PDE4D: variants seen among roughly 807,000 people sequenced by gnomAD.
PDE4D encodes phosphodiesterase 4D.
A neutral mutation model predicts 87.4 loss-of-function variants in PDE4D; 24 were observed. That is an observed-to-expected ratio of 0.27 (90% CI 0.20 to 0.39). PDE4D has a LOEUF of 0.39. PDE4D is among the 10% of genes least tolerant of loss of function. The pLI is 1.00. For synonymous variants in PDE4D, 384 were observed against 383.2 expected, an observed-to-expected ratio of 1.00 and a Z score of -0.02; for missense variants, 714 against 1,041.0, an observed-to-expected ratio of 0.69 and a Z score of 4.32.
chr5:59,429,915 A>T (rs1409006344), intron 1 of PDE4D, among the ~76,000 whole-genome samples: 1 of 152,196 alleles, frequency 6.6e-6, no homozygotes, highest in Non-Finnish European at 1.5e-5. Context: ...ATGATGCATT[A>T]AGGAATGTCA....
chr5:59,158,785 A>G lies in PDE4D; in HGVS notation c.808+21810T>C, dbSNP rs191368110. Among the ~76,000 whole-genome samples, 116 of 152,364 alleles carry G rather than the reference A, an allele frequency of 7.6e-4. 1 individual carries two copies. The highest frequency in any genetic ancestry group is 1.1e-3 in the Admixed American group (17 of 15,304). On this transcript the variant is annotated intron_variant, in intron 5 of 14. Coordinates refer to ENST00000340635, the MANE Select transcript of PDE4D (RefSeq NM_001104631.2). The stretch of plus-strand genomic sequence containing the variant: ...CAGAGAGCTAGGCAGAGCTGGGATT[A>G]TACCCCTGGTCTTAAAACCCTGAGG...
chr5:59,276,284 TG>T (rs1038236737), intron 1 of PDE4D, among the ~76,000 whole-genome samples: 1 of 152,048 alleles, frequency 6.6e-6, no homozygotes, highest in Non-Finnish European at 1.5e-5. Flanking sequence ...TTTCCTTCTC[TG>T]GGAAATGAGA....
intron 1 of PDE4D, among the ~76,000 whole-genome samples, chr5:59,690,004 T>C (rs1057026320): frequency 2.0e-5 from 3 of 152,074 alleles, no homozygotes; most frequent in African/African-American, 7.2e-5. Flanking sequence ...GGAATCCAAC[T>C]TACAAGGGAT....
chr5:59,094,750 A>G (rs1769380775), intron 5 of PDE4D, among the ~76,000 whole-genome samples: 1 of 152,178 alleles, frequency 6.6e-6, no homozygotes, highest in African/African-American at 2.4e-5. Flanking sequence ...CATGCCTGAG[A>G]CAAAAAAAGG....
intron 1 of PDE4D, among the ~76,000 whole-genome samples, chr5:59,421,288 G>A (rs1000848711): frequency 6.6e-6 from 1 of 152,114 alleles, no homozygotes; most frequent in African/African-American, 2.4e-5. Flanking sequence ...ATAAAACACA[G>A]TACGTTTTAG....
At chr5:60,049,654 A>T (rs917269282) in intron 2 of PDE4D, among the ~76,000 whole-genome samples, 1 of 152,130 alleles carries the variant, frequency 6.6e-6, no homozygotes, top group African/African-American at 2.4e-5. Context: ...CCCTGCTGGG[A>T]GGTGCCTCCC....
At chr5:59,711,621 C>G (rs1754208535) in intron 1 of PDE4D, among the ~76,000 whole-genome samples, 1 of 152,154 alleles carries the variant, frequency 6.6e-6, no homozygotes, top group African/African-American at 2.4e-5. Flanking sequence ...TTTACTACAA[C>G]CTAACTATAA....
At chr5:59,004,954 T>C (rs1580231442) in intron 6 of PDE4D, among the ~76,000 whole-genome samples, 1 of 152,326 alleles carries the variant, frequency 6.6e-6, no homozygotes, top group East Asian at 1.9e-4. Context: ...TGGAGGATCT[T>C]TGAGGCCAGA....
intron 5 of PDE4D, chr5:59,157,282 A>G (rs1031370119): frequency 5.7e-6 from 4 of 702,046 alleles, no homozygotes; most frequent in African/African-American, 5.2e-5. Context: ...TGTAGTTTTC[A>G]AGGTCAGCCA....
At chr5:59,745,600 G>T (rs117434961) in intron 1 of PDE4D, among the ~76,000 whole-genome samples, 20 of 152,108 alleles carry the variant, frequency 1.3e-4, no homozygotes, top group Admixed American at 7.2e-4. Flanking sequence ...CAGGGGTGAC[G>T]TGCTGATCAG....
chr5:59,461,843 G>A (rs1352232668), intron 1 of PDE4D, among the ~76,000 whole-genome samples: 1 of 152,064 alleles, frequency 6.6e-6, no homozygotes, highest in Non-Finnish European at 1.5e-5. Context: ...TAGGCTCTCA[G>A]TAGAAAGGGA....
chr5:59,107,107 C>G (rs752491588), intron 5 of PDE4D, among the ~76,000 whole-genome samples: 2 of 151,686 alleles, frequency 1.3e-5, no homozygotes, highest in Non-Finnish European at 2.9e-5. Flanking sequence ...CAAGCTACAT[C>G]TGTGTGTGTG....
At chr5:60,228,465 A>G (rs1562239266) in intron 1 of PDE4D, among the ~76,000 whole-genome samples, 1 of 151,806 alleles carries the variant, frequency 6.6e-6, no homozygotes, top group Non-Finnish European at 1.5e-5. Context: ...ATTTGAATGA[A>G]TCAATAAATG....
At chr5:59,031,099 G>A (rs1757307735) in intron 6 of PDE4D, among the ~76,000 whole-genome samples, 1 of 151,900 alleles carries the variant, frequency 6.6e-6, no homozygotes. Context: ...GCAAGGATGT[G>A]GAGAAAAGGG....
At chr5:59,163,551 G>A (rs563512741) in intron 5 of PDE4D, among the ~76,000 whole-genome samples, 5 of 152,304 alleles carry the variant, frequency 3.3e-5, no homozygotes, top group South Asian at 2.1e-4. Context: ...GATAACAGGC[G>A]TGAGCCACCG....
At chr5:59,089,448 C>G (rs1561464659) in intron 5 of PDE4D, among the ~76,000 whole-genome samples, 2 of 152,052 alleles carry the variant, frequency 1.3e-5, no homozygotes. Flanking sequence ...GATAATAGGG[C>G]TAACATTTAT....
At chr5:59,420,594 C>T (rs1794314127) in intron 1 of PDE4D, among the ~76,000 whole-genome samples, 1 of 151,684 alleles carries the variant, frequency 6.6e-6, no homozygotes, top group African/African-American at 2.4e-5. Flanking sequence ...CCAAGAACTC[C>T]CTTGCTAGCA....
chr5:59,777,384 G>A (rs977041242), intron 1 of PDE4D, among the ~76,000 whole-genome samples: 16 of 152,188 alleles, frequency 1.1e-4, no homozygotes, highest in African/African-American at 3.9e-4. Flanking sequence ...CCTGTTGGGA[G>A]ACTATGGACA....
intron 1 of PDE4D, among the ~76,000 whole-genome samples, chr5:59,318,740 T>G (rs900221792): frequency 4.6e-5 from 7 of 152,064 alleles, no homozygotes; most frequent in Admixed American, 4.6e-4. Flanking sequence ...TTTAACTTCT[T>G]TTTTCACAAT....
Sources: allele counts gnomAD v4.1 joint callset (sites outside exome capture counted in the v4.1 genomes callset), GRCh38; gene constraint gnomAD v4.1.1; transcripts MANE v1.5; gene names NCBI Gene and HGNC (gene_info 2026-07-23, HGNC 2026-07-21).